The following SCGN variants were observed in gnomAD, a reference collection of about 807,000 sequenced individuals.
The protein encoded by SCGN is secretagogin.
SCGN carries 30 observed loss-of-function variants against 39.7 expected under a neutral mutation model. The observed-to-expected ratio is 0.76, with a 90% CI of 0.57 to 1.03. The LOEUF is 1.03. Ranked by LOEUF, SCGN falls within the 50% of genes least tolerant of loss-of-function variation. SCGN has a pLI of 0.00. For missense variants in SCGN, 353 were observed against 349.4 expected (o/e 1.01, Z -0.08); for synonymous variants, 106 against 114.1 (o/e 0.93, Z 0.45).
intron 3 of SCGN, among the ~76,000 whole-genome samples, chr6:25,664,062 CA>C (rs1456836049): frequency 1.3e-5 from 2 of 151,914 alleles, no homozygotes; most frequent in Admixed American, 6.6e-5. Flanking sequence ...TGAACACAGC[CA>C]AACCTGAAAA....
intron 2 of SCGN, among the ~76,000 whole-genome samples, chr6:25,656,429 T>C (rs1353306871): frequency 6.6e-6 from 1 of 152,188 alleles, no homozygotes; most frequent in Non-Finnish European, 1.5e-5. Context: ...CTGCTTGTAA[T>C]TACCTATTCC....
At chr6:25,652,849 G>A (rs2151375856) in intron 1 of SCGN, among the ~76,000 whole-genome samples, 1 of 151,908 alleles carries the variant, frequency 6.6e-6, no homozygotes, top group Middle Eastern at 3.4e-3. Context: ...TCCCTAAATG[G>A]GCTCACTTTT....
intron 2 of SCGN, 97 bp from the exon 3 acceptor site, chr6:25,661,455 A>C (rs1760335406): frequency 1.2e-6 from 1 of 849,200 alleles, no homozygotes; most frequent in Non-Finnish European, 1.9e-6. Context: ...TGTTTGAAAA[A>C]CATAATTTTC....
intron 10 of SCGN, among the ~76,000 whole-genome samples, chr6:25,697,694 C>T (rs572363144): frequency 6.6e-6 from 1 of 152,248 alleles, no homozygotes; most frequent in South Asian, 2.1e-4. Flanking sequence ...GAAGGCCAGC[C>T]CCAAAGGTCC....
At chr6:25,690,912 T>C (rs193074721) in intron 9 of SCGN, 144 bp from the exon 10 acceptor site, 25 of 601,658 alleles carry the variant, frequency 4.2e-5, no homozygotes, top group East Asian at 3.6e-4. Context: ...ATGTCCTGCA[T>C]GGAGAACATA....
intron 3 of SCGN, among the ~76,000 whole-genome samples, chr6:25,663,716 G>A (rs181322699): frequency 1.8e-4 from 27 of 152,170 alleles, no homozygotes; most frequent in Non-Finnish European, 4.0e-4. Context: ...ATAAAAAGGG[G>A]ATATTTATAC....
intron 10 of SCGN, among the ~76,000 whole-genome samples, chr6:25,692,750 C>G (rs567206582): frequency 6.6e-6 from 1 of 152,248 alleles, no homozygotes; most frequent in East Asian, 1.9e-4. Flanking sequence ...AGAATACATC[C>G]GATTTACAGA....
chr6:25,694,899 G>A (rs1759820197), intron 10 of SCGN, among the ~76,000 whole-genome samples: 1 of 152,122 alleles, frequency 6.6e-6, no homozygotes, highest in Non-Finnish European at 1.5e-5. Context: ...AAGGGCCATG[G>A]GAGAAGTAAA....
chr6:25,686,238 C>T (rs1759703739), intron 7 of SCGN, among the ~76,000 whole-genome samples: 1 of 152,134 alleles, frequency 6.6e-6, no homozygotes, highest in Non-Finnish European at 1.5e-5. Flanking sequence ...TATTAAGGAG[C>T]AGAATTTTTG....
Position 25,653,444 on chromosome 6 carries a change from G to T in SCGN, c.145G>T (p.Gly49Cys), listed in dbSNP as rs1760171385. 1 of 1,612,028 alleles carries T rather than the reference G, an allele frequency of 6.2e-7. No homozygotes were observed. The highest frequency in any genetic ancestry group is 2.2e-5 in the East Asian group (1 of 44,788). ...CTTTCTCCACATGTTGATGAAACTG[G>T]GTACTGATGTAAGTACTTGCACACT... is the stretch of plus-strand genomic sequence containing the variant. ...AFFLHMLMKL[G>C]TDDTVMKANL... The change falls in exon 2 of 11, where the codon GGT (glycine) becomes TGT (cysteine). Residue 49 changes from glycine to cysteine, a missense_variant. By Grantham distance (159) the Gly-to-Cys change is radical (BLOSUM62 -3). Coordinates refer to ENST00000377961, the MANE Select transcript of SCGN (RefSeq NM_006998.4).
At chr6:25,665,053 C>T (rs751620933) in intron 4 of SCGN, 21 bp downstream of exon 4, 57 of 1,587,324 alleles carry the variant, frequency 3.6e-5, no homozygotes, top group Non-Finnish European at 4.9e-5. Flanking sequence ...GGTTGTGTCT[C>T]TGTGAAGAAA....
intron 9 of SCGN, among the ~76,000 whole-genome samples, chr6:25,690,518 G>A (rs1178536707): frequency 6.6e-6 from 1 of 152,050 alleles, no homozygotes; most frequent in East Asian, 1.9e-4. Context: ...ATTTTAATAT[G>A]TATTGTATTT....
chr6:25,662,431 T>C (rs1196011259), intron 3 of SCGN, among the ~76,000 whole-genome samples: 3 of 152,218 alleles, frequency 2.0e-5, no homozygotes, highest in African/African-American at 7.2e-5. Flanking sequence ...GTTCATACTA[T>C]GTAGCTATAA....
intron 6 of SCGN, among the ~76,000 whole-genome samples, chr6:25,681,462 G>A (rs142477651): frequency 2.8e-3 from 423 of 152,270 alleles, no homozygotes; most frequent in Middle Eastern, 6.8e-3. Context: ...TGTGGTAGTC[G>A]TTGCTGCTAT....
intron 7 of SCGN, among the ~76,000 whole-genome samples, chr6:25,686,859 T>C (rs1448250897): frequency 6.6e-6 from 1 of 152,144 alleles, no homozygotes; most frequent in East Asian, 1.9e-4. Context: ...ATCCTTTTCA[T>C]GTTAATTGTT....
At position 25,682,350 on chromosome 6, in the gene SCGN, G is replaced by A. The variant is rs60411718; in HGVS notation, c.527+344G>A. Among the ~76,000 whole-genome samples the A allele has an allele frequency of 7.9e-3, 1,180 of 148,884 alleles. 18 individuals carry two copies. Among genetic ancestry groups the A allele is most frequent in the African/African-American group, 0.027 (1,079 of 40,106 alleles). ...AATCCCATTTACTGGCTCTGGGAACGTCGAGCAGTTATTTCAGGACACAGG... is the reference window on the plus strand; with the variant it reads ...AATCCCATTTACTGGCTCTGGGAACATCGAGCAGTTATTTCAGGACACAGG... On this transcript the variant is annotated intron_variant, in intron 7 of 10. Coordinates refer to ENST00000377961, the MANE Select transcript of SCGN (RefSeq NM_006998.4).
At chr6:25,688,659 G>A (rs749598454) in intron 7 of SCGN, among the ~76,000 whole-genome samples, 5 of 151,898 alleles carry the variant, frequency 3.3e-5, no homozygotes, top group Non-Finnish European at 5.9e-5. Context: ...AAAATTAGCC[G>A]GGACTGGTGG....
At chr6:25,675,745 T>A (rs1256378522) in intron 6 of SCGN, among the ~76,000 whole-genome samples, 2 of 152,238 alleles carry the variant, frequency 1.3e-5, no homozygotes, top group African/African-American at 4.8e-5. Flanking sequence ...TCTCTGGGTC[T>A]AGGTATTCAT....
chr6:25,686,826 T>C (rs1430749974), intron 7 of SCGN, among the ~76,000 whole-genome samples: 1 of 152,206 alleles, frequency 6.6e-6, no homozygotes, highest in African/African-American at 2.4e-5. Context: ...TTATATAAAC[T>C]ATAAAGTTTC....
Sources: allele counts gnomAD v4.1 joint callset (sites outside exome capture counted in the v4.1 genomes callset), GRCh38; gene constraint gnomAD v4.1.1; transcripts MANE v1.5; gene names NCBI Gene and HGNC (gene_info 2026-07-23, HGNC 2026-07-21).